The following GKN2 variants were observed in gnomAD, a reference collection of about 807,000 sequenced individuals.
The protein encoded by GKN2 is gastrokine-2.
Under a neutral mutation model 22.7 loss-of-function variants are expected in GKN2, and 17 were observed. That is an observed-to-expected ratio of 0.75 (90% CI 0.51 to 1.13). The LOEUF is 1.13. Ranked by LOEUF, GKN2 falls within the 50% of genes most tolerant of loss-of-function variation. The pLI is 0.00. For synonymous variants in GKN2, 82 were observed against 79.6 expected, an observed-to-expected ratio of 1.03 and a Z score of -0.16; for missense variants, 248 against 221.4, an observed-to-expected ratio of 1.12 and a Z score of -0.76.
At chr2:68,951,454 G>T (rs545779880) in intron 1 of GKN2, among the ~76,000 whole-genome samples, 2 of 152,318 alleles carry the variant, frequency 1.3e-5, no homozygotes, top group East Asian at 3.9e-4. Context: ...GCTAACCCAG[G>T]TTTTGTACCC....
chr2:68,949,413 T>A (rs931340033), intron 3 of GKN2, among the ~76,000 whole-genome samples: 4 of 151,910 alleles, frequency 2.6e-5, no homozygotes, highest in South Asian at 4.1e-4. Flanking sequence ...TTATATTTTT[T>A]AATTATTTAT....
chr2:68,950,873 G>T, intron 1 of GKN2, 118 bp from the exon 2 acceptor site: 2 of 977,770 alleles, frequency 2.0e-6, no homozygotes, highest in South Asian at 2.8e-5. Flanking sequence ...TAGAGACACT[G>T]AGTGGCCACA....
chr2:68,946,416 G>T lies in GKN2; in HGVS notation c.360C>A (p.Tyr120Ter), dbSNP rs762778794. The T allele has an allele frequency of 6.2e-7, 1 of 1,613,386 alleles. No individual in the cohort carries two copies. The highest frequency in any genetic ancestry group is 8.5e-7 in the Non-Finnish European group (1 of 1,179,702). ...CTTTGATCAGAGACTCCAGAGGGTT[G>T]TACTTGACCCAGGTGTATTTGCTGG... ...MFSSKYTWVKYNPLESLIKDV... is the reference protein window; with the variant it reads ...MFSSKYTWVK The change falls in exon 5 of 6, where the codon TAC becomes TAA. Residue 120 changes from tyrosine (Y) to a stop codon, truncating the protein, a stop_gained. Transcript: ENST00000328895. LOFTEE classifies it high-confidence loss of function.
chr2:68,950,145 G>A lies in GKN2; in HGVS notation c.185C>T (p.Thr62Ile). ...GCTTACATGTTTATAGTCAAAAATTGTGGTAGAAGAGCATGATCCTGCATG... is the reference window on the plus strand; with the variant it reads ...GCTTACATGTTTATAGTCAAAAATTATGGTAGAAGAGCATGATCCTGCATG... ...NIHAGSCSST[T>I]IFDYKHGYIA... is the part of the protein sequence containing the mutation. Residue 62 changes from threonine (T) to isoleucine (I), a missense_variant, in exon 3 of 6, where the codon ACA becomes ATA. By Grantham distance (89) the Thr-to-Ile change is moderately conservative. Transcript: ENST00000328895. 1 of 1,612,544 alleles carries A rather than the reference G, an allele frequency of 6.2e-7. No individual in the cohort carries two copies. Among genetic ancestry groups the A allele is most frequent in the Non-Finnish European group, 8.5e-7 (1 of 1,179,570 alleles).
At chr2:68,948,441 A>G (rs1669805268) in intron 3 of GKN2, among the ~76,000 whole-genome samples, 1 of 152,168 alleles carries the variant, frequency 6.6e-6, no homozygotes. Flanking sequence ...ACCGCTGCAG[A>G]AAGTTCTGTT....
chr2:68,950,372 C>T, intron 2 of GKN2, 109 bp from the exon 3 acceptor site: 1 of 1,088,788 alleles, frequency 9.2e-7, no homozygotes, highest in Admixed American at 2.8e-5. Flanking sequence ...GGATTAAAAA[C>T]TAAAACTGTC....
At chr2:68,950,862 C>A in intron 1 of GKN2, 107 bp from the exon 2 acceptor site, 5 of 1,098,072 alleles carry the variant, frequency 4.6e-6, no homozygotes, top group Non-Finnish European at 5.5e-6. Flanking sequence ...AAATGTACAC[C>A]TAGAGACACT....
chr2:68,950,054 C>CAT (rs1015006358), intron 3 of GKN2, 72 bp downstream of exon 3: 97 of 1,222,808 alleles, frequency 7.9e-5, no homozygotes, highest in African/African-American at 1.4e-4. Flanking sequence ...ATATATGCCC[C>CAT]ATATATATAT....
rs970303186 is a variant in GKN2 at position 68,945,560 on chromosome 2, G to T, written c.473-110C>A. Reference sequence around the variant, plus strand: ...AAAACTGACAACTTTTGGAAGTGCTGGTTGGCTCAATCCCAGTGATATTAT... The same window carrying T: ...AAAACTGACAACTTTTGGAAGTGCTTGTTGGCTCAATCCCAGTGATATTAT... On this transcript the variant is annotated intron_variant, in intron 5 of 5. Transcript: ENST00000328895. The T allele has an allele frequency of 8.9e-6, 7 of 787,468 alleles. No individual in the cohort carries two copies. In the Admixed American group the frequency reaches 1.4e-4, roughly 16 times the overall value. 48.8% of individuals were successfully genotyped at this position (787,468 alleles called of 1,614,324 possible).
chr2:68,947,255 G>A lies in GKN2; in HGVS notation c.207C>T (p.Gly69=). The A allele has an allele frequency of 6.2e-7, 1 of 1,603,082 alleles. No homozygotes were observed. Among genetic ancestry groups the A allele is most frequent in the Non-Finnish European group, 8.5e-7 (1 of 1,169,932 alleles). ...GGGAGAGCACCCTGGATGCAATGTA[G>A]CCCTGAGGCAGCAAGAGTACAGTTA... is the stretch of plus-strand genomic sequence containing the variant. ...SSTTIFDYKH[G]YIASRVLSRR... is the part of the protein sequence containing the mutation. The change falls in exon 4 of 6, where the codon GGC becomes GGT. Residue 69 remains glycine, a splice_region_variant and synonymous_variant. Coordinates refer to ENST00000328895, the MANE Select transcript of GKN2 (RefSeq NM_182536.3).
chr2:68,948,305 C>T (rs903934035), intron 3 of GKN2, among the ~76,000 whole-genome samples: 1 of 151,326 alleles, frequency 6.6e-6, no homozygotes, highest in Non-Finnish European at 1.5e-5. Context: ...AGCTATATGC[C>T]ACTATCTAAA....
Position 68,946,342 on chromosome 2 carries a change from T to A in GKN2, c.434A>T (p.His145Leu). 4 of 1,613,768 alleles carry A rather than the reference T, an allele frequency of 2.5e-6. No homozygotes were observed. Among genetic ancestry groups the A allele is most frequent in the Non-Finnish European group, 3.4e-6 (4 of 1,179,916 alleles). ...CACTTCCCCCTTATACAAAGGGATA[T>A]GTTTGCAGAGTTTCTCAATGGGTGA... ...LGSPIEKLCK[H>L]IPLYKGEVVE... The change falls in exon 5 of 6, where the codon CAT becomes CTT. Residue 145 changes from histidine (H) to leucine (L), a missense_variant. Physicochemically the swap from His to Leu is moderately conservative, Grantham distance 99. Transcript: ENST00000328895.
At chr2:68,951,145 T>TA (rs893414128) in intron 1 of GKN2, among the ~76,000 whole-genome samples, 22 of 152,198 alleles carry the variant, frequency 1.4e-4, no homozygotes, top group Non-Finnish European at 2.5e-4. Context: ...TTGTGTCCTC[T>TA]AAAAAAATAA....
In GKN2 at chr2:68,950,131, T is replaced by TA. The variant is rs752815849; in HGVS notation, c.198dup (p.Lys67Ter). 2 of 1,612,654 alleles carry TA rather than the reference T, an allele frequency of 1.2e-6. No homozygotes were observed. Among genetic ancestry groups the TA allele is most frequent in the Non-Finnish European group, 1.7e-6 (2 of 1,179,590 alleles). On this transcript the variant is annotated frameshift_variant, in exon 3 of 6. Coordinates refer to ENST00000328895, the MANE Select transcript of GKN2 (RefSeq NM_182536.3). LOFTEE classifies it high-confidence loss of function. Reference sequence around the variant, plus strand: ...AAAATTCATTTGCTGCTTACATGTTTATAGTCAAAAATTGTGGTAGAAGAG... The same window carrying TA: ...AAAATTCATTTGCTGCTTACATGTTTAATAGTCAAAAATTGTGGTAGAAGAG...
intron 1 of GKN2, among the ~76,000 whole-genome samples, chr2:68,952,077 T>A (rs1669862682): frequency 6.6e-6 from 1 of 152,174 alleles, no homozygotes; most frequent in South Asian, 2.1e-4. Context: ...GGGAGCGAAT[T>A]CCATTCTAGG....
intron 5 of GKN2, 125 bp from the exon 6 acceptor site, chr2:68,945,575 A>G: frequency 1.5e-6 from 1 of 666,838 alleles, no homozygotes. Context: ...GCTCAATCCC[A>G]GTGATATTAT....
rs1573726054 is a variant in GKN2, at chr2:68,945,289, G to T, written c.*79C>A. ...AATCTCAAAATTAGTTGGGGCATTG[G>T]GAAAGAATTTAATTTGACTTTTGAG... On this transcript the variant is annotated 3_prime_UTR_variant, in exon 6 of 6. Coordinates refer to ENST00000328895, the MANE Select transcript of GKN2 (RefSeq NM_182536.3). 2.9e-6 allele frequency: 3 copies of T among 1,022,486 alleles called. No homozygotes were observed. In the East Asian group the frequency reaches 7.4e-5, roughly 25 times the overall value. 63.3% of individuals were successfully genotyped at this position (1,022,486 alleles called of 1,614,324 possible). A position where few individuals can be genotyped will look rare whatever the true frequency, so the allele number is the denominator to read the frequency against.
intron 2 of GKN2, 61 bp from the exon 3 acceptor site, chr2:68,950,324 C>A: frequency 6.7e-7 from 1 of 1,498,872 alleles, no homozygotes. Flanking sequence ...AAAGGCAACT[C>A]TTCCAACAAA....
intron 4 of GKN2, 65 bp from the exon 5 acceptor site, chr2:68,946,525 T>C: frequency 3.8e-6 from 5 of 1,333,292 alleles, no homozygotes; most frequent in Non-Finnish European, 4.0e-6. Flanking sequence ...TACCTTATTC[T>C]AAATTGTGAC....
Sources: gnomAD v4.1 joint callset for allele counts (sites outside exome capture counted in the v4.1 genomes callset) on GRCh38, gnomAD v4.1.1 for gene constraint, MANE v1.5 for transcripts, NCBI Gene and HGNC (gene_info 2026-07-23, HGNC 2026-07-21) for gene names.